TK2: variants seen among roughly 807,000 people sequenced by gnomAD.
TK2 encodes thymidine kinase 2, mitochondrial.
Under a neutral mutation model 41.9 loss-of-function variants are expected in TK2, and 35 were observed. The observed-to-expected ratio is 0.84, with a 90% CI of 0.64 to 1.11. TK2 has a LOEUF of 1.11. Ranked by LOEUF, TK2 falls within the 50% of genes least tolerant of loss-of-function variation. TK2 has a pLI of 0.00. For synonymous variants in TK2, 128 were observed against 129.1 expected (o/e 0.99, Z 0.06); for missense variants, 320 against 351.1 (o/e 0.91, Z 0.71).
intron 2 of TK2, among the ~76,000 whole-genome samples, chr16:66,547,678 GACCTCCCCCATCAGACAA>G (rs918499636): frequency 6.6e-5 from 10 of 151,134 alleles, no homozygotes; most frequent in African/African-American, 9.7e-5. Flanking sequence ...CCATCAGACA[GACCTCCCCCATCAGACAA>G]ACCTCCCCCA....
intron 4 of TK2, among the ~76,000 whole-genome samples, chr16:66,532,604 C>CG (rs958149596): frequency 7.0e-6 from 1 of 142,334 alleles, no homozygotes; most frequent in African/African-American, 2.6e-5. Flanking sequence ...GACCCTGTCT[C>CG]GAAAAAAAAA....
chr16:66,518,080 C>T, intron 6 of TK2: 1 of 623,926 alleles, frequency 1.6e-6, no homozygotes, highest in Non-Finnish European at 2.9e-6. Context: ...CGGCTTATGG[C>T]ACAATGCTGC....
intron 5 of TK2, among the ~76,000 whole-genome samples, chr16:66,529,677 G>A (rs935905059): frequency 2.3e-4 from 35 of 152,138 alleles, no homozygotes; most frequent in Non-Finnish European, 3.2e-4. Flanking sequence ...GAAGCAAGAG[G>A]CGCCCTGACC....
intron 2 of TK2, among the ~76,000 whole-genome samples, chr16:66,546,281 TTACTC>T (rs1391162858): frequency 1.3e-5 from 2 of 152,206 alleles, no homozygotes; most frequent in Non-Finnish European, 2.9e-5. Flanking sequence ...GTAGTGGTGT[TTACTC>T]TGTAGTGCTG....
At chr16:66,531,747 T>C (rs1965120679) in intron 4 of TK2, among the ~76,000 whole-genome samples, 1 of 152,132 alleles carries the variant, frequency 6.6e-6, no homozygotes, top group Non-Finnish European at 1.5e-5. Flanking sequence ...GGCATCCAAA[T>C]TGGAAAGGAA....
intron 4 of TK2, 25 bp downstream of exon 4, chr16:66,536,938 GT>G: frequency 6.2e-7 from 1 of 1,613,986 alleles, no homozygotes; most frequent in Non-Finnish European, 8.5e-7. Flanking sequence ...GAAGCCGGGG[GT>G]TCATGCAACC....
In TK2 at chr16:66,514,266, C is replaced by T. The variant is rs569835034; in HGVS notation, c.619-455G>A. 8.5e-5 allele frequency among the ~76,000 whole-genome samples: 13 copies of T among 152,350 alleles called. No homozygotes were observed. The highest frequency in any genetic ancestry group is 4.1e-4 in the South Asian group (2 of 4,834). Reference sequence around the variant, plus strand: ...TGCCAAGTGCCTGGGATTGCAGGCGCGCACCGCCATGCCTGACTGGTTTTC... The same window carrying T: ...TGCCAAGTGCCTGGGATTGCAGGCGTGCACCGCCATGCCTGACTGGTTTTC... On this transcript the variant is annotated intron_variant, in intron 8 of 9. Coordinates refer to ENST00000544898, the MANE Select transcript of TK2 (RefSeq NM_004614.5). The surrounding 1 kb of genome is among the most constrained non-coding windows in gnomAD (Gnocchi z 4.2).
intron 2 of TK2, among the ~76,000 whole-genome samples, chr16:66,544,804 G>A (rs1335359000): frequency 6.6e-6 from 1 of 152,082 alleles, no homozygotes; most frequent in Non-Finnish European, 1.5e-5. Flanking sequence ...TACATTCTCA[G>A]TGGCCAGGCG....
At chr16:66,546,277 G>GTGTTTACTCTGTAGTGC (rs1368652790) in intron 2 of TK2, among the ~76,000 whole-genome samples, 1 of 152,178 alleles carries the variant, frequency 6.6e-6, no homozygotes, top group East Asian at 1.9e-4. Context: ...GATTGTAGTG[G>GTGTTTACTCTGTAGTGC]TGTTTACTCT....
At chr16:66,548,075 A>G in intron 2 of TK2, 1 of 627,722 alleles carries the variant, frequency 1.6e-6, no homozygotes, top group Admixed American at 2.4e-5. Context: ...TCTTAAATGT[A>G]TAAACAAACA....
At chr16:66,515,367 C>A (rs1025488864) in intron 8 of TK2, among the ~76,000 whole-genome samples, 2 of 152,158 alleles carry the variant, frequency 1.3e-5, no homozygotes, top group Non-Finnish European at 2.9e-5. Context: ...AACCTATAGA[C>A]CCTCCAGACT....
chr16:66,523,294 G>A (rs1402334701), intron 6 of TK2, among the ~76,000 whole-genome samples: 1 of 152,136 alleles, frequency 6.6e-6, no homozygotes, highest in African/African-American at 2.4e-5. Context: ...ATGGCATTTT[G>A]GGAAGCCTTT....
chr16:66,541,952 A>G lies in TK2; in HGVS notation c.158T>C (p.Ile53Thr). ...KEQEKEKKSV[I>T]CVEGNIASGK... ...ACTTGCAATATTGCCCTCGACACAG[A>G]TCTGGCAAAAGACGAATGCATATTA... is the stretch of plus-strand genomic sequence containing the variant. The change falls in exon 3 of 10, where the codon ATC becomes ACC. Residue 53 changes from isoleucine to threonine, a missense_variant and splice_region_variant. Coordinates refer to ENST00000544898, the MANE Select transcript of TK2 (RefSeq NM_004614.5). The G allele has an allele frequency of 6.2e-7, 1 of 1,614,132 alleles. No individual in the cohort carries two copies.
chr16:66,548,823 T>G (rs1465430323), intron 2 of TK2, 155 bp downstream of exon 2: 1 of 730,406 alleles, frequency 1.4e-6, no homozygotes, highest in African/African-American at 1.8e-5. Flanking sequence ...AGAGGTGGCC[T>G]TCTAGGAGGG....
chr16:66,528,157 G>A (rs1964992100), intron 6 of TK2, among the ~76,000 whole-genome samples: 1 of 152,194 alleles, frequency 6.6e-6, no homozygotes, highest in Admixed American at 6.5e-5. Flanking sequence ...AGATGAGAGT[G>A]GGAGGAAGGG....
intron 8 of TK2, among the ~76,000 whole-genome samples, chr16:66,516,126 T>C (rs1964605431): frequency 7.5e-6 from 1 of 133,920 alleles, no homozygotes; most frequent in South Asian, 2.4e-4. Context: ...GGAACAAAGG[T>C]ATAAACAAAT....
At chr16:66,547,927 A>G (rs1294340947) in intron 2 of TK2, 1 of 1,286,182 alleles carries the variant, frequency 7.8e-7, no homozygotes, top group African/African-American at 1.5e-5. Flanking sequence ...GCTCACATCA[A>G]TGCTAGCTCA....
Position 66,513,770 on chromosome 16 carries a change from G to T in TK2, c.660C>A (p.Leu220=), listed in dbSNP as rs1431196461. Residue 220 remains leucine (L), a synonymous_variant, in exon 9 of 10, where the codon CTC becomes CTA. Transcript: ENST00000544898. ...CCATGGGGAAAAGGCTGCCTTTGATGAGCCACTCCTCATGGAGATGGTGAA... is the reference window on the plus strand; with the variant it reads ...CCATGGGGAAAAGGCTGCCTTTGATTAGCCACTCCTCATGGAGATGGTGAA... ...EAIHHLHEEW[L]IKGSLFPMAA... 1.9e-6 allele frequency: 3 copies of T among 1,614,078 alleles called. No homozygotes were observed. The highest frequency in any genetic ancestry group is 1.7e-6 in the Non-Finnish European group (2 of 1,180,024).
intron 8 of TK2, among the ~76,000 whole-genome samples, chr16:66,516,360 A>G (rs906173062): frequency 6.6e-6 from 1 of 152,218 alleles, no homozygotes; most frequent in Non-Finnish European, 1.5e-5. Context: ...TAGCCAGAGC[A>G]TAGAAAGTAG....
Sources: gnomAD v4.1 joint callset for allele counts (sites outside exome capture counted in the v4.1 genomes callset) on GRCh38, gnomAD v4.1.1 for gene constraint, Gnocchi (gnomAD v3.1) non-coding constraint, MANE v1.5 for transcripts, NCBI Gene and HGNC (gene_info 2026-07-23, HGNC 2026-07-21) for gene names.